Variants in RNF121 observed in about 807,000 individuals in gnomAD.
RNF121 encodes the protein E3 ubiquitin ligase RNF121.
A neutral mutation model predicts 46.5 loss-of-function variants in RNF121; 21 were observed. The observed-to-expected ratio is 0.45, with a 90% CI of 0.32 to 0.65. RNF121 has a LOEUF of 0.65. Among genes scored for constraint, RNF121 ranks in the 30% least tolerant of loss-of-function variants. The pLI is 0.04. For synonymous variants in RNF121, 139 were observed against 144.7 expected (o/e 0.96, Z 0.28); for missense variants, 346 against 416.0 (o/e 0.83, Z 1.46).
At chr11:71,969,629 C>T (rs932824267) in intron 3 of RNF121, among the ~76,000 whole-genome samples, 2 of 152,130 alleles carry the variant, frequency 1.3e-5, no homozygotes, top group African/African-American at 4.8e-5. Context: ...GTGGCATGAT[C>T]ACAGCTCACT....
At chr11:71,971,487 A>G (rs1482911835) in intron 3 of RNF121, among the ~76,000 whole-genome samples, 4 of 152,220 alleles carry the variant, frequency 2.6e-5, no homozygotes, top group African/African-American at 9.6e-5. Context: ...TCTGTTAAAG[A>G]TATGATAGGC....
intron 1 of RNF121, among the ~76,000 whole-genome samples, chr11:71,949,906 G>T (rs951293410): frequency 6.6e-6 from 1 of 151,898 alleles, no homozygotes; most frequent in African/African-American, 2.4e-5. Flanking sequence ...GGAGGCTGAG[G>T]CAGAGAATTG....
intron 2 of RNF121, 111 bp downstream of exon 2, chr11:71,957,375 T>C (rs531526301): frequency 1.2e-4 from 98 of 784,412 alleles, no homozygotes; most frequent in Non-Finnish European, 2.2e-4. Flanking sequence ...CAGTGGCTCA[T>C]GACCGGTAGG....
At chr11:71,986,298 G>C (rs1243561237) in intron 4 of RNF121, among the ~76,000 whole-genome samples, 1 of 152,158 alleles carries the variant, frequency 6.6e-6, no homozygotes, top group African/African-American at 2.4e-5. Context: ...TTCATCTCTT[G>C]AATTCTGTTT....
chr11:71,987,948 G>A (rs751601971), intron 5 of RNF121, among the ~76,000 whole-genome samples: 5 of 152,306 alleles, frequency 3.3e-5, no homozygotes, highest in East Asian at 1.9e-4. Context: ...CAAGAATGTC[G>A]CAGTCCAGAT....
At chr11:71,982,727 G>A (rs1035109463) in intron 3 of RNF121, 34 bp from the exon 4 acceptor site, 2 of 1,582,198 alleles carry the variant, frequency 1.3e-6, no homozygotes, top group South Asian at 1.2e-5. Context: ...AGAGGGAGCT[G>A]GCCAGAGCTG....
Position 71,990,725 on chromosome 11 carries a change from C to A in RNF121, c.627+8C>A, listed in dbSNP as rs763321387. 6.2e-7 allele frequency: 1 copy of A among 1,612,690 alleles called. No homozygotes were observed. The highest frequency in any genetic ancestry group is 1.1e-5 in the South Asian group (1 of 90,680). Reference sequence around the variant, plus strand: ...ATGGCATCTACCATAGGGGTAAGTTCATCCGGGTTCTTAAATACTGCTTCT... The same window carrying A: ...ATGGCATCTACCATAGGGGTAAGTTAATCCGGGTTCTTAAATACTGCTTCT... On this transcript the variant is annotated splice_region_variant and intron_variant, in intron 6 of 8. Coordinates refer to ENST00000361756, the MANE Select transcript of RNF121 (RefSeq NM_018320.5).
intron 1 of RNF121, among the ~76,000 whole-genome samples, chr11:71,953,580 ACAAGCTCT>A (rs113226088): frequency 0.032 from 4,939 of 152,242 alleles, 76 homozygotes; most frequent in East Asian, 0.078. Flanking sequence ...CTGTTTCTTA[ACAAGCTCT>A]CAGGGTACTC....
At chr11:71,954,582 T>A (rs1403638041) in intron 1 of RNF121, among the ~76,000 whole-genome samples, 1 of 152,180 alleles carries the variant, frequency 6.6e-6, no homozygotes, top group Admixed American at 6.5e-5. Context: ...TCTTCACAGC[T>A]CTATAATGAA....
At chr11:71,975,340 G>C (rs1299919058) in intron 3 of RNF121, among the ~76,000 whole-genome samples, 1 of 152,104 alleles carries the variant, frequency 6.6e-6, no homozygotes, top group Non-Finnish European at 1.5e-5. Flanking sequence ...TACCTCTTTA[G>C]GCTCATTTCT....
chr11:71,980,970 A>G (rs1420859153), intron 3 of RNF121, among the ~76,000 whole-genome samples: 1 of 152,242 alleles, frequency 6.6e-6, no homozygotes, highest in Non-Finnish European at 1.5e-5. Flanking sequence ...AAATGTAACT[A>G]GAAGATTTTA....
chr11:71,960,902 T>A lies in RNF121; in HGVS notation c.243+11T>A. On this transcript the variant is annotated intron_variant, in intron 3 of 8. Transcript: ENST00000361756. ...CCACGCTCCTACAATGTAAGCCACTTTGCCTCTTACTTCTTTGTCTGTCAG... is the reference window on the plus strand; with the variant it reads ...CCACGCTCCTACAATGTAAGCCACTATGCCTCTTACTTCTTTGTCTGTCAG... 6.2e-7 allele frequency: 1 copy of A among 1,612,628 alleles called. No individual in the cohort carries two copies. The highest frequency in any genetic ancestry group is 8.5e-7 in the Non-Finnish European group (1 of 1,179,154).
chr11:71,968,524 T>C (rs1954342444), intron 3 of RNF121, among the ~76,000 whole-genome samples: 1 of 152,240 alleles, frequency 6.6e-6, no homozygotes, highest in Non-Finnish European at 1.5e-5. Flanking sequence ...ACAATTCTTG[T>C]GGACCTCTCA....
chr11:71,963,410 C>T (rs1196165387), intron 3 of RNF121, among the ~76,000 whole-genome samples: 1 of 152,054 alleles, frequency 6.6e-6, no homozygotes, highest in Admixed American at 6.6e-5. Context: ...ATCACAAGGT[C>T]AGGAGTTTGA....
intron 6 of RNF121, among the ~76,000 whole-genome samples, chr11:71,992,252 C>T (rs1565163984): frequency 6.6e-6 from 1 of 152,186 alleles, no homozygotes; most frequent in Non-Finnish European, 1.5e-5. Flanking sequence ...ACTTTGTGAA[C>T]TCTTATTCCT....
At chr11:71,949,871 A>G (rs1953824180) in intron 1 of RNF121, among the ~76,000 whole-genome samples, 1 of 151,846 alleles carries the variant, frequency 6.6e-6, no homozygotes, top group Admixed American at 6.6e-5. Flanking sequence ...GCGTGGTGGC[A>G]CGTACCTGTA....
chr11:71,944,455 T>C (rs1953666346), intron 1 of RNF121, among the ~76,000 whole-genome samples: 1 of 152,222 alleles, frequency 6.6e-6, no homozygotes, highest in African/African-American at 2.4e-5. Flanking sequence ...TCCAGGCAAG[T>C]AGGGCTTCCA....
intron 4 of RNF121, among the ~76,000 whole-genome samples, chr11:71,984,604 T>TTATG (rs1954730176): frequency 6.6e-6 from 1 of 151,350 alleles, no homozygotes. Context: ...ATTTATTTAT[T>TTATG]TATTTAGAGA....
intron 1 of RNF121, among the ~76,000 whole-genome samples, chr11:71,945,584 A>G (rs1953694068): frequency 6.6e-6 from 1 of 152,214 alleles, no homozygotes; most frequent in Admixed American, 6.5e-5. Flanking sequence ...AGCAGTTAAT[A>G]TTATTTAACA....
Sources: gnomAD v4.1 joint callset for allele counts (sites outside exome capture counted in the v4.1 genomes callset) on GRCh38, gnomAD v4.1.1 for gene constraint, MANE v1.5 for transcripts, NCBI Gene and HGNC (gene_info 2026-07-23, HGNC 2026-07-21) for gene names.